ENOX1: variants seen among roughly 807,000 people sequenced by gnomAD.
ENOX1 encodes ecto-NOX disulfide-thiol exchanger 1.
In ENOX1, 42 loss-of-function variants were observed where a neutral mutation model predicts 82.5. That is an observed-to-expected ratio of 0.51 (90% CI 0.40 to 0.66). ENOX1 has a LOEUF of 0.66. Among genes scored for constraint, ENOX1 ranks in the 30% least tolerant of loss-of-function variants. The pLI is 0.00. For missense variants in ENOX1, 608 were observed against 811.6 expected, an observed-to-expected ratio of 0.75 and a Z score of 3.05; for synonymous variants, 271 against 282.2, an observed-to-expected ratio of 0.96 and a Z score of 0.40.
chr13:43,435,060 G>A (rs573752218), intron 3 of ENOX1, among the ~76,000 whole-genome samples: 1 of 149,084 alleles, frequency 6.7e-6, no homozygotes, highest in African/African-American at 2.5e-5. Context: ...ATAATACCCG[G>A]CACGCAGAAG....
chr13:43,217,071 G>A (rs1420823666), intron 16 of ENOX1, among the ~76,000 whole-genome samples: 1 of 152,188 alleles, frequency 6.6e-6, no homozygotes, highest in Non-Finnish European at 1.5e-5. Flanking sequence ...GGCAGTAAGT[G>A]TGGACCAGAC....
intron 3 of ENOX1, among the ~76,000 whole-genome samples, chr13:43,418,383 C>T (rs2054761412): frequency 2.0e-5 from 3 of 152,022 alleles, no homozygotes; most frequent in African/African-American, 7.3e-5. Context: ...TAAAAATTAG[C>T]TGGGTGTGGT....
chr13:43,541,179 T>TTTTTTTTTTTTTTC (rs1305403826), intron 2 of ENOX1, among the ~76,000 whole-genome samples: 1 of 37,276 alleles, frequency 2.7e-5, no homozygotes, highest in Non-Finnish European at 5.6e-5. Context: ...CTCTGTTTTT[T>TTTTTTTTTTTTTTC]TTTTTTTTTT....
chr13:43,522,698 C>T (rs552497255), intron 2 of ENOX1, among the ~76,000 whole-genome samples: 2 of 152,116 alleles, frequency 1.3e-5, no homozygotes, highest in East Asian at 3.9e-4. Context: ...TCATGCAGAC[C>T]CTTGTGCTTT....
At chr13:43,606,251 G>T (rs935219854) in intron 2 of ENOX1, among the ~76,000 whole-genome samples, 1 of 152,018 alleles carries the variant, frequency 6.6e-6, no homozygotes, top group Non-Finnish European at 1.5e-5. Context: ...ACAATTTGGG[G>T]GCTCCTCAAA....
chr13:43,696,924 G>A (rs2086669589), intron 1 of ENOX1, among the ~76,000 whole-genome samples: 2 of 152,014 alleles, frequency 1.3e-5, no homozygotes, highest in South Asian at 4.2e-4. Flanking sequence ...CAGAAATGAG[G>A]AGTTGCATCT....
intron 1 of ENOX1, among the ~76,000 whole-genome samples, chr13:43,765,960 CA>C (rs1183993284): frequency 2.0e-5 from 3 of 152,132 alleles, no homozygotes; most frequent in Non-Finnish European, 2.9e-5. Context: ...TAAATTTTAG[CA>C]AAAGGAGAGA....
At chr13:43,698,125 CA>C (rs945758713) in intron 1 of ENOX1, among the ~76,000 whole-genome samples, 3 of 151,590 alleles carry the variant, frequency 2.0e-5, no homozygotes, top group South Asian at 4.2e-4. Context: ...GGAGTGGACT[CA>C]AAAAAAATGG....
chr13:43,267,934 A>G (rs1291093854), intron 13 of ENOX1, among the ~76,000 whole-genome samples: 1 of 152,202 alleles, frequency 6.6e-6, no homozygotes, highest in Non-Finnish European at 1.5e-5. Flanking sequence ...GCTGTTTCGA[A>G]TCTTCTTCAC....
chr13:43,658,421 C>G (rs2084551570), intron 2 of ENOX1, among the ~76,000 whole-genome samples: 1 of 152,188 alleles, frequency 6.6e-6, no homozygotes, highest in African/African-American at 2.4e-5. Context: ...ACGCATGCCT[C>G]ATGTTCCCAT....
chr13:43,241,639 A>C (rs572498349), intron 14 of ENOX1, among the ~76,000 whole-genome samples: 3 of 152,340 alleles, frequency 2.0e-5, no homozygotes, highest in African/African-American at 7.2e-5. Context: ...ATTACCTAAT[A>C]AATCTTTTCT....
At chr13:43,724,488 A>G (rs1055063163) in intron 1 of ENOX1, among the ~76,000 whole-genome samples, 1 of 152,226 alleles carries the variant, frequency 6.6e-6, no homozygotes, top group Non-Finnish European at 1.5e-5. Context: ...TGGCAACACT[A>G]TCTTACCACA....
chr13:43,521,268 A>G (rs2077757126), intron 2 of ENOX1, among the ~76,000 whole-genome samples: 1 of 152,130 alleles, frequency 6.6e-6, no homozygotes, highest in Admixed American at 6.6e-5. Flanking sequence ...ATAAACTCCA[A>G]AGGATGAGTT....
At chr13:43,430,042 A>G (rs2055565793) in intron 3 of ENOX1, among the ~76,000 whole-genome samples, 2 of 152,236 alleles carry the variant, frequency 1.3e-5, no homozygotes, top group African/African-American at 4.8e-5. Context: ...GTGAATGCAT[A>G]TAAAGTGTAA....
At chr13:43,568,208 G>A (rs1413126481) in intron 2 of ENOX1, among the ~76,000 whole-genome samples, 4 of 152,100 alleles carry the variant, frequency 2.6e-5, no homozygotes, top group Non-Finnish European at 1.5e-5. Flanking sequence ...TTTGATAAAA[G>A]GTGTCAGATA....
At chr13:43,564,711 T>G (rs1593843692) in intron 2 of ENOX1, among the ~76,000 whole-genome samples, 2 of 152,214 alleles carry the variant, frequency 1.3e-5, no homozygotes, top group African/African-American at 4.8e-5. Flanking sequence ...ATTAATAAAC[T>G]GAATCAGCTA....
intron 2 of ENOX1, among the ~76,000 whole-genome samples, chr13:43,664,201 T>G (rs924059): frequency 6.6e-6 from 1 of 152,176 alleles, no homozygotes; most frequent in African/African-American, 2.4e-5. Flanking sequence ...CTCATTTGCC[T>G]TTTTTTAAAA....
At chr13:43,300,211 G>T (rs2046495947) in intron 11 of ENOX1, among the ~76,000 whole-genome samples, 1 of 151,956 alleles carries the variant, frequency 6.6e-6, no homozygotes, top group Non-Finnish European at 1.5e-5. Flanking sequence ...GGGCATCTCA[G>T]ACCACAAAAA....
intron 16 of ENOX1, among the ~76,000 whole-genome samples, chr13:43,219,929 T>C (rs2041698071): frequency 2.0e-5 from 3 of 152,238 alleles, no homozygotes; most frequent in Admixed American, 2.0e-4. Flanking sequence ...CTTCCTTCCA[T>C]GGGCAAAACT....
Sources: allele counts gnomAD v4.1 joint callset (sites outside exome capture counted in the v4.1 genomes callset), GRCh38; gene constraint gnomAD v4.1.1; transcripts MANE v1.5; gene names NCBI Gene and HGNC (gene_info 2026-07-23, HGNC 2026-07-21).